Variants in DYM observed in about 807,000 individuals in gnomAD.
The protein encoded by DYM is dymeclin, also known as dyggve-Melchior-Clausen syndrome protein.
Under a neutral mutation model 93.1 loss-of-function variants are expected in DYM, and 78 were observed. The ratio of observed to expected loss-of-function variants is 0.84; its 90% confidence interval spans 0.70 to 1.01. The LOEUF (loss-of-function observed/expected upper bound fraction) is 1.01. Among genes scored for constraint, DYM ranks in the 50% least tolerant of loss-of-function variants. DYM has a pLI of 0.00. For synonymous variants in DYM, 321 were observed against 319.7 expected, an observed-to-expected ratio of 1.00 and a Z score of -0.04; for missense variants, 789 against 845.0, an observed-to-expected ratio of 0.93 and a Z score of 0.82.
intron 11 of DYM, among the ~76,000 whole-genome samples, chr18:49,261,955 GT>G (rs2094497173): frequency 6.6e-6 from 1 of 152,112 alleles, no homozygotes; most frequent in Non-Finnish European, 1.5e-5. Flanking sequence ...ATTCCTTTGT[GT>G]GTTTTCTAGT....
chr18:49,435,193 C>G (rs78271301), intron 1 of DYM, among the ~76,000 whole-genome samples: 12,586 of 130,362 alleles, frequency 0.097, 789 homozygotes, highest in East Asian at 0.33. Flanking sequence ...GGGGAACAGA[C>G]CATGACTCCA....
chr18:49,316,513 C>A (rs2146467629), intron 8 of DYM, among the ~76,000 whole-genome samples: 1 of 152,212 alleles, frequency 6.6e-6, no homozygotes, highest in Non-Finnish European at 1.5e-5. Flanking sequence ...CATTTATAAA[C>A]CATCTAAATG....
chr18:49,344,532 T>C (rs1390956040), intron 6 of DYM, among the ~76,000 whole-genome samples: 3 of 152,198 alleles, frequency 2.0e-5, no homozygotes, highest in Non-Finnish European at 4.4e-5. Context: ...CTCCTTTTGA[T>C]CTGATGATGA....
intron 17 of DYM, among the ~76,000 whole-genome samples, chr18:49,067,450 GCACTAT>G (rs1568366598): frequency 4.1e-4 from 14 of 34,344 alleles, no homozygotes; most frequent in African/African-American, 6.6e-4. Context: ...GGTGATGTGA[GCACTAT>G]GGAAGTTTGG....
intron 13 of DYM, among the ~76,000 whole-genome samples, chr18:49,221,128 T>G (rs1295775953): frequency 2.0e-5 from 3 of 152,152 alleles, no homozygotes; most frequent in Non-Finnish European, 2.9e-5. Flanking sequence ...AAGAAGACAT[T>G]TATGCAGCCA....
intron 6 of DYM, among the ~76,000 whole-genome samples, chr18:49,348,571 T>C (rs2064815196): frequency 6.6e-6 from 1 of 151,450 alleles, no homozygotes; most frequent in Non-Finnish European, 1.5e-5. Flanking sequence ...AAGGGATGGA[T>C]CACACAAATT....
chr18:49,288,121 A>G (rs989158817), intron 8 of DYM, among the ~76,000 whole-genome samples: 11 of 152,172 alleles, frequency 7.2e-5, no homozygotes, highest in Middle Eastern at 3.2e-3. Flanking sequence ...TTAAAATTAC[A>G]TACATGGCTT....
chr18:49,080,567 C>A (rs1350903237), intron 17 of DYM, among the ~76,000 whole-genome samples: 1 of 134,474 alleles, frequency 7.4e-6, no homozygotes, highest in Non-Finnish European at 1.6e-5. Flanking sequence ...ACCTCCCGGA[C>A]GGGGCGGCTG....
chr18:49,354,969 C>A (rs2065416670), intron 6 of DYM, among the ~76,000 whole-genome samples: 1 of 150,398 alleles, frequency 6.6e-6, no homozygotes, highest in African/African-American at 2.4e-5. Context: ...TTGTCTAATC[C>A]CATAGAATAT....
chr18:49,410,514 T>G (rs2072115694), intron 2 of DYM, among the ~76,000 whole-genome samples: 1 of 146,054 alleles, frequency 6.8e-6, no homozygotes, highest in Admixed American at 6.8e-5. Flanking sequence ...CACCACAACC[T>G]CAAAAAAAAA....
intron 6 of DYM, among the ~76,000 whole-genome samples, chr18:49,348,078 T>C (rs2064759072): frequency 6.6e-6 from 1 of 152,148 alleles, no homozygotes; most frequent in Non-Finnish European, 1.5e-5. Flanking sequence ...TAGGGCACAG[T>C]GGAACACTTG....
At chr18:49,342,171 G>A (rs935078355) in intron 6 of DYM, among the ~76,000 whole-genome samples, 5 of 152,198 alleles carry the variant, frequency 3.3e-5, no homozygotes, top group Admixed American at 3.3e-4. Flanking sequence ...CTTGCTGGGT[G>A]TAAACTGAGG....
At chr18:49,155,408 T>A (rs535149821) in intron 15 of DYM, among the ~76,000 whole-genome samples, 1 of 152,206 alleles carries the variant, frequency 6.6e-6, no homozygotes, top group African/African-American at 2.4e-5. Context: ...ATATACCATA[T>A]ACTTCACCAA....
At chr18:49,287,828 C>CA (rs55895967) in intron 8 of DYM, among the ~76,000 whole-genome samples, 1,076 of 74,876 alleles carry the variant, frequency 0.014, 22 homozygotes, top group African/African-American at 0.052. Flanking sequence ...AACTCCGTCT[C>CA]AAAAAAAAAA....
At chr18:49,105,900 G>A (rs1428077474) in intron 16 of DYM, among the ~76,000 whole-genome samples, 2 of 152,230 alleles carry the variant, frequency 1.3e-5, no homozygotes, top group African/African-American at 2.4e-5. Flanking sequence ...TTGGGGTGGA[G>A]AGTTCTGTAG....
At chr18:49,340,199 G>T (rs934807018) in intron 6 of DYM, among the ~76,000 whole-genome samples, 1 of 151,998 alleles carries the variant, frequency 6.6e-6, no homozygotes, top group Non-Finnish European at 1.5e-5. Flanking sequence ...TGATCCGCCC[G>T]CCTCGGCCTA....
At chr18:49,412,714 A>G (rs1342050188) in intron 2 of DYM, among the ~76,000 whole-genome samples, 1 of 152,236 alleles carries the variant, frequency 6.6e-6, no homozygotes, top group Admixed American at 6.5e-5. Flanking sequence ...AAAATTGAAC[A>G]TAAAGTGTGC....
At chr18:49,271,203 G>C (rs940212867) in intron 11 of DYM, among the ~76,000 whole-genome samples, 1 of 152,124 alleles carries the variant, frequency 6.6e-6, no homozygotes, top group Non-Finnish European at 1.5e-5. Context: ...ATTGGGGGTA[G>C]AATCAGTGTA....
intron 17 of DYM, among the ~76,000 whole-genome samples, chr18:49,065,626 T>C (rs1320911590): frequency 6.6e-6 from 1 of 152,090 alleles, no homozygotes; most frequent in East Asian, 1.9e-4. Flanking sequence ...CCTCCCAAAA[T>C]GCTGGGATTA....
Sources: allele counts gnomAD v4.1 joint callset (sites outside exome capture counted in the v4.1 genomes callset), GRCh38; gene constraint gnomAD v4.1.1; transcripts MANE v1.5; gene names NCBI Gene and HGNC (gene_info 2026-07-23, HGNC 2026-07-21).